The following SLC4A4 variants were observed in gnomAD, a reference collection of about 807,000 sequenced individuals.
SLC4A4 encodes solute carrier family 4 member 4, also known as electrogenic sodium bicarbonate cotransporter 1.
SLC4A4 carries 27 observed loss-of-function variants against 111.5 expected under a neutral mutation model. The observed-to-expected ratio is 0.24, with a 90% CI of 0.18 to 0.33. The LOEUF is 0.33. SLC4A4 is among the 10% of genes least tolerant of loss of function. The probability of loss-of-function intolerance (pLI) is 1.00; values close to 1 mark genes in which losing one functional copy is unlikely to be tolerated. For missense variants in SLC4A4, 909 were observed against 1,315.5 expected (o/e 0.69, Z 4.78); for synonymous variants, 443 against 463.4 (o/e 0.96, Z 0.57).
At chr4:71,346,081 CT>C (rs570516377) in intron 4 of SLC4A4, among the ~76,000 whole-genome samples, 6 of 150,934 alleles carry the variant, frequency 4.0e-5, no homozygotes, top group African/African-American at 1.2e-4. Flanking sequence ...AGTTAGAGGT[CT>C]TTTTTTTTCT....
At chr4:71,100,671 A>G (rs917000551) in intron 2 of SLC4A4, among the ~76,000 whole-genome samples, 2 of 152,184 alleles carry the variant, frequency 1.3e-5, no homozygotes, top group African/African-American at 4.8e-5. Flanking sequence ...CTGTTTGCAG[A>G]TGGCATAATA....
intron 2 of SLC4A4, among the ~76,000 whole-genome samples, chr4:71,159,207 A>T (rs1370922505): frequency 1.3e-5 from 2 of 152,158 alleles, no homozygotes; most frequent in African/African-American, 4.8e-5. Flanking sequence ...CTAACATTGC[A>T]TTGTGGATAG....
chr4:71,416,185 T>C (rs1294375709), intron 7 of SLC4A4, among the ~76,000 whole-genome samples: 1 of 152,236 alleles, frequency 6.6e-6, no homozygotes, highest in Non-Finnish European at 1.5e-5. Context: ...GAATCTTCGT[T>C]CTGCCTTTTC....
At chr4:71,446,658 A>G (rs1402294094) in intron 8 of SLC4A4, among the ~76,000 whole-genome samples, 3 of 152,204 alleles carry the variant, frequency 2.0e-5, no homozygotes, top group Non-Finnish European at 4.4e-5. Flanking sequence ...TGGAAATGTA[A>G]ATAAAGTGAT....
intron 7 of SLC4A4, among the ~76,000 whole-genome samples, chr4:71,424,411 A>T (rs1003170392): frequency 4.6e-5 from 7 of 151,508 alleles, no homozygotes; most frequent in Admixed American, 4.6e-4. Flanking sequence ...AACTAGTTCA[A>T]CCATTGTGGA....
chr4:71,186,579 G>T (rs955148595), upstream of SLC4A4, among the ~76,000 whole-genome samples: 1 of 151,882 alleles, frequency 6.6e-6, no homozygotes, highest in Admixed American at 6.6e-5. Flanking sequence ...GCTGCGCACA[G>T]AGCCCAAGCC....
rs562735183 is a variant in SLC4A4, at chr4:71,333,959, C to T, written c.254-5411C>T. ...CAGGTCCAGAAATGCTGTCTAAGAG[C>T]GAAGGCCTGGAATTGGGGATCATAG... On this transcript the variant is annotated intron_variant, in intron 3 of 25. Coordinates refer to ENST00000264485, the MANE Select transcript of SLC4A4 (RefSeq NM_001098484.3). 8.5e-5 allele frequency among the ~76,000 whole-genome samples: 13 copies of T among 152,180 alleles called. No individual in the cohort carries two copies. The South Asian group carries it at 1.7e-3, about 20-fold the overall frequency.
At chr4:71,237,851 A>G (rs1046209160) in intron 2 of SLC4A4, among the ~76,000 whole-genome samples, 10 of 152,206 alleles carry the variant, frequency 6.6e-5, no homozygotes, top group African/African-American at 2.2e-4. Context: ...TTGATGCCTA[A>G]GTTTCTTAGG....
intron 7 of SLC4A4, among the ~76,000 whole-genome samples, chr4:71,439,295 A>T (rs1440616331): frequency 1.3e-5 from 2 of 151,464 alleles, no homozygotes; most frequent in African/African-American, 4.9e-5. Flanking sequence ...AGGCATGGTG[A>T]TGTGCACCTG....
chr4:71,272,932 A>C lies in SLC4A4; in HGVS notation c.253+17533A>C, dbSNP rs146987567. Among the ~76,000 whole-genome samples the C allele has an allele frequency of 3.9e-5, 6 of 152,326 alleles. No individual in the cohort carries two copies. The East Asian group carries it at 1.2e-3, about 29-fold the overall frequency. On this transcript the variant is annotated intron_variant, in intron 3 of 25. Transcript: ENST00000264485. ...TAATAATTTTAGTTTAGAATGGTTA[A>C]TTTAGAATGGTTCTTTTTGACAGTC... is the stretch of plus-strand genomic sequence containing the variant.
chr4:71,070,138 T>A (rs560699186), intron 1 of SLC4A4, among the ~76,000 whole-genome samples: 1 of 152,312 alleles, frequency 6.6e-6, no homozygotes, highest in African/African-American at 2.4e-5. Flanking sequence ...AAGATACTTA[T>A]TTGTTGACTG....
chr4:71,100,046 C>A (rs936484363), intron 2 of SLC4A4, among the ~76,000 whole-genome samples: 9 of 152,132 alleles, frequency 5.9e-5, no homozygotes, highest in Non-Finnish European at 1.2e-4. Context: ...TGGTATCATT[C>A]CTACTGAAAC....
At chr4:71,113,013 A>AGAT (rs1743136649) in intron 2 of SLC4A4, among the ~76,000 whole-genome samples, 1 of 152,170 alleles carries the variant, frequency 6.6e-6, no homozygotes, top group African/African-American at 2.4e-5. Context: ...CTTGAAGAGT[A>AGAT]GATTGAGATC....
chr4:71,435,024 C>G (rs1216323326), intron 7 of SLC4A4, among the ~76,000 whole-genome samples: 3 of 152,098 alleles, frequency 2.0e-5, no homozygotes, highest in African/African-American at 4.8e-5. Context: ...CAATGCTATT[C>G]CCATCAAACT....
At chr4:71,211,927 T>C (rs995443214) in intron 1 of SLC4A4, among the ~76,000 whole-genome samples, 1 of 152,160 alleles carries the variant, frequency 6.6e-6, no homozygotes, top group Non-Finnish European at 1.5e-5. Flanking sequence ...CAGGGATTTT[T>C]TTTAGAATTA....
chr4:71,099,923 G>A (rs1560718734), intron 2 of SLC4A4, among the ~76,000 whole-genome samples: 1 of 152,086 alleles, frequency 6.6e-6, no homozygotes, highest in Non-Finnish European at 1.5e-5. Context: ...ATTCCCTGAA[G>A]AGACCAATAA....
intron 3 of SLC4A4, among the ~76,000 whole-genome samples, chr4:71,314,574 A>G (rs1222222320): frequency 1.3e-5 from 2 of 152,218 alleles, no homozygotes; most frequent in Non-Finnish European, 2.9e-5. Context: ...ACAGCATGGA[A>G]TACTGTGCAG....
At chr4:71,560,050 TC>T in intron 22 of SLC4A4, 42 bp from the exon 23 acceptor site, 2 of 1,493,396 alleles carry the variant, frequency 1.3e-6, no homozygotes, top group Non-Finnish European at 1.9e-6. Context: ...TGTGACTTCA[TC>T]TGACATGGTT....
intron 12 of SLC4A4, among the ~76,000 whole-genome samples, chr4:71,456,689 A>G (rs1726300969): frequency 6.6e-6 from 1 of 152,214 alleles, no homozygotes; most frequent in Non-Finnish European, 1.5e-5. Context: ...AGATAAAGAT[A>G]GATGAGCAAA....
Sources: gnomAD v4.1 joint callset for allele counts (sites outside exome capture counted in the v4.1 genomes callset) on GRCh38, gnomAD v4.1.1 for gene constraint, MANE v1.5 for transcripts, NCBI Gene and HGNC (gene_info 2026-07-23, HGNC 2026-07-21) for gene names.